ZDHHC20: variants seen among roughly 807,000 people sequenced by gnomAD.
The protein encoded by ZDHHC20 is palmitoyltransferase ZDHHC20.
In ZDHHC20, 43 loss-of-function variants were observed where a neutral mutation model predicts 57.8. The observed-to-expected ratio is 0.74, with a 90% confidence interval of 0.58 to 0.96. The LOEUF is 0.96. ZDHHC20 is among the 40% of genes least tolerant of loss of function. The pLI is 0.00. For missense variants in ZDHHC20, 391 were observed against 441.1 expected, an observed-to-expected ratio of 0.89 and a Z score of 1.02; for synonymous variants, 157 against 153.0, an observed-to-expected ratio of 1.03 and a Z score of -0.19.
chr13:21,388,878 C>G (rs1254353610), intron 8 of ZDHHC20, among the ~76,000 whole-genome samples: 1 of 152,002 alleles, frequency 6.6e-6, no homozygotes, highest in Non-Finnish European at 1.5e-5. Context: ...ATGTAAGGAG[C>G]TGTTTTTGTC....
Position 21,421,155 on chromosome 13 carries a change from A to T in ZDHHC20, c.155T>A (p.Val52Asp). ...IFGNEENGKTVVYLVAFHLFF... is the reference protein window; with the variant it reads ...IFGNEENGKTDVYLVAFHLFF... The stretch of plus-strand genomic sequence containing the variant: ...CAGATGGAAAGCCACAAGGTAAACA[A>T]CGGTCTTTCCTGGTAAATAAAAACA... The change falls in exon 3 of 13, where the codon GTT becomes GAT. Residue 52 changes from valine (V) to aspartate (D), a missense_variant. Transcript: ENST00000400590. The T allele has an allele frequency of 6.2e-7, 1 of 1,612,972 alleles. No homozygotes were observed. The highest frequency in any genetic ancestry group is 8.5e-7 in the Non-Finnish European group (1 of 1,179,374).
intron 6 of ZDHHC20, among the ~76,000 whole-genome samples, 176 bp downstream of exon 6, chr13:21,401,477 A>G (rs1877614813): frequency 2.0e-5 from 3 of 152,212 alleles, no homozygotes; most frequent in Admixed American, 2.0e-4. Flanking sequence ...ATTTCAGCAG[A>G]TATTTTAATA....
At chr13:21,448,351 C>T (rs1884038727) in intron 1 of ZDHHC20, among the ~76,000 whole-genome samples, 2 of 116,710 alleles carry the variant, frequency 1.7e-5, no homozygotes, top group African/African-American at 5.9e-5. Flanking sequence ...GCCAGCCGCC[C>T]CGTCCGGGAG....
chr13:21,425,264 G>C (rs757780477), intron 2 of ZDHHC20, among the ~76,000 whole-genome samples: 1 of 151,820 alleles, frequency 6.6e-6, no homozygotes, highest in Non-Finnish European at 1.5e-5. Flanking sequence ...ATGCCTAAAC[G>C]AGAACCATCA....
intron 1 of ZDHHC20, among the ~76,000 whole-genome samples, chr13:21,452,503 G>A (rs1236941301): frequency 6.6e-6 from 1 of 151,964 alleles, no homozygotes; most frequent in African/African-American, 2.4e-5. Context: ...GACACTAGAT[G>A]GATTTACAAA....
At chr13:21,378,895 G>A (rs769179421) in intron 11 of ZDHHC20, among the ~76,000 whole-genome samples, 157 bp from the exon 12 acceptor site, 3 of 152,122 alleles carry the variant, frequency 2.0e-5, no homozygotes, top group Non-Finnish European at 4.4e-5. Context: ...GAACCTAGAA[G>A]TAAGTAAAGA....
intron 1 of ZDHHC20, among the ~76,000 whole-genome samples, chr13:21,429,508 CCTCA>C (rs1176816802): frequency 6.6e-6 from 1 of 152,130 alleles, no homozygotes; most frequent in Non-Finnish European, 1.5e-5. Context: ...GGTAAAGTGT[CCTCA>C]CTGTTTTCAA....
chr13:21,374,227 T>G lies in ZDHHC20; in HGVS notation c.*2469A>C, dbSNP rs1177514364. ...AGTTATGTTTTTAGTTGGTAATTGA[T>G]ATATATATATATTTTTGAGATGGAG... On this transcript the variant is annotated 3_prime_UTR_variant, in exon 13 of 13. Coordinates refer to ENST00000400590, the MANE Select transcript of ZDHHC20 (RefSeq NM_001330059.2). The G allele has an allele frequency of 5.0e-6, 1 of 199,622 alleles. No homozygotes were observed. Among genetic ancestry groups the G allele is most frequent in the Admixed American group, 5.1e-5 (1 of 19,686 alleles). The allele number at this position is 199,622 out of a possible 1,614,324, so 12.4% of individuals were successfully genotyped here. A position where few individuals can be genotyped will look rare whatever the true frequency, so the allele number is the denominator to read the frequency against.
At chr13:21,411,143 G>T (rs1400688461) in intron 4 of ZDHHC20, among the ~76,000 whole-genome samples, 1 of 152,180 alleles carries the variant, frequency 6.6e-6, no homozygotes. Flanking sequence ...TGCTTCCCGG[G>T]TGAGGCGACG....
intron 1 of ZDHHC20, among the ~76,000 whole-genome samples, chr13:21,444,318 T>A (rs754267538): frequency 6.6e-6 from 1 of 152,134 alleles, no homozygotes; most frequent in Non-Finnish European, 1.5e-5. Context: ...GTTGGAGAGA[T>A]AAATTGGCGT....
intron 1 of ZDHHC20, among the ~76,000 whole-genome samples, chr13:21,437,693 GA>G: frequency 9.0e-6 from 1 of 110,680 alleles, no homozygotes; most frequent in Admixed American, 9.2e-5. Flanking sequence ...ATGCTTTACT[GA>G]ATTTTTTTTT....
Position 21,413,639 on chromosome 13 carries a change from TTC to T in ZDHHC20, c.370+11_370+12del. The T allele has an allele frequency of 6.3e-7, 1 of 1,576,536 alleles. No homozygotes were observed. Among genetic ancestry groups the T allele is most frequent in the South Asian group, 1.2e-5 (1 of 84,062 alleles). ...AAAATCATTTGAAAAGGAAAACTTATTCTTTTTCTTACTTTTTGAAGCTGATG... is the reference window on the plus strand; with the variant it reads ...AAAATCATTTGAAAAGGAAAACTTATTTTTTCTTACTTTTTGAAGCTGATG... On this transcript the variant is annotated intron_variant, in intron 4 of 12. Transcript: ENST00000400590.
intron 3 of ZDHHC20, among the ~76,000 whole-genome samples, chr13:21,417,683 C>G (rs1343678156): frequency 6.6e-6 from 1 of 152,252 alleles, no homozygotes; most frequent in South Asian, 2.1e-4. Context: ...AGGTGATCCA[C>G]CTGCCTCGGC....
At chr13:21,432,464 G>A (rs1194652494) in intron 1 of ZDHHC20, among the ~76,000 whole-genome samples, 1 of 152,002 alleles carries the variant, frequency 6.6e-6, no homozygotes. Flanking sequence ...TGAGTAGCTG[G>A]GACTGCAGGC....
chr13:21,426,607 C>CCTT lies in ZDHHC20; in HGVS notation c.119-930_119-929insAAG, dbSNP rs1555262779. Among the ~76,000 whole-genome samples the CCTT allele has an allele frequency of 2.2e-5, 3 of 135,376 alleles. No individual in the cohort carries two copies. The Admixed American group carries it at 2.3e-4, about 10-fold the overall frequency. 88.8% of individuals were successfully genotyped at this position (135,376 alleles called of 152,430 possible). ...GGTTTCTTCCTTTTTTTCTCCTTTTCTTTTTTTTTTTTTTTTGAGACAGGG... is the reference window on the plus strand; with the variant it reads ...GGTTTCTTCCTTTTTTTCTCCTTTTCCTTTTTTTTTTTTTTTTTTGAGACAGGG... On this transcript the variant is annotated intron_variant, in intron 1 of 12. Transcript: ENST00000400590.
At chr13:21,430,197 T>G (rs1881747604) in intron 1 of ZDHHC20, among the ~76,000 whole-genome samples, 1 of 152,140 alleles carries the variant, frequency 6.6e-6, no homozygotes, top group South Asian at 2.1e-4. Context: ...TAAATTTGTT[T>G]TTGCAGGCCT....
At chr13:21,424,534 C>T (rs1188192285) in intron 2 of ZDHHC20, among the ~76,000 whole-genome samples, 2 of 152,016 alleles carry the variant, frequency 1.3e-5, no homozygotes, top group South Asian at 2.1e-4. Flanking sequence ...ACAGTAAAAC[C>T]CCGTCTCTAC....
At chr13:21,433,886 T>C (rs1314615359) in intron 1 of ZDHHC20, among the ~76,000 whole-genome samples, 1 of 152,248 alleles carries the variant, frequency 6.6e-6, no homozygotes, top group African/African-American at 2.4e-5. Flanking sequence ...TTGATGCTAT[T>C]ATAAACAGCA....
rs1877453173 is a variant in ZDHHC20 at position 21,400,411 on chromosome 13, C to A, written c.556G>T (p.Ala186Ser). Residue 186 changes from alanine to serine, a missense_variant, in exon 7 of 13, where the codon GCT (alanine) becomes TCT (serine). By Grantham distance (99) the Ala-to-Ser change is moderately conservative. Transcript: ENST00000400590. ...LYSLLYCLFVAATVLEYFIKF... is the reference protein window; with the variant it reads ...LYSLLYCLFVSATVLEYFIKF... ...ATAAAGTACTCTAAAACTGTTGCAG[C>A]CACGAAAAGGCAATATAATAGGGAA... 6.2e-7 allele frequency: 1 copy of A among 1,602,230 alleles called. No individual in the cohort carries two copies. Among genetic ancestry groups the A allele is most frequent in the Non-Finnish European group, 8.5e-7 (1 of 1,176,358 alleles).
Sources: allele counts gnomAD v4.1 joint callset (sites outside exome capture counted in the v4.1 genomes callset), GRCh38; gene constraint gnomAD v4.1.1; transcripts MANE v1.5; gene names NCBI Gene and HGNC (gene_info 2026-07-23, HGNC 2026-07-21).